PSD3: variants seen among roughly 807,000 people sequenced by gnomAD.
PSD3 encodes the protein pleckstrin and Sec7 domain containing 3.
PSD3 carries 49 observed loss-of-function variants against 105.5 expected under a neutral mutation model. The ratio of observed to expected loss-of-function variants is 0.46; its 90% CI spans 0.37 to 0.59. The LOEUF (loss-of-function observed/expected upper bound fraction) is 0.59, where lower values mean the gene tolerates loss of function less well. Among genes scored for constraint, PSD3 ranks in the 20% least tolerant of loss-of-function variants. PSD3 has a pLI of 0.00. For missense variants in PSD3, 1,561 were observed against 1,263.8 expected (o/e 1.24, Z -3.57); for synonymous variants, 557 against 457.8 (o/e 1.22, Z -2.77).
chr8:18,809,552 C>G (rs909996745), intron 4 of PSD3, among the ~76,000 whole-genome samples: 1 of 152,120 alleles, frequency 6.6e-6, no homozygotes. Context: ...TAAGTACGTC[C>G]CAAATACTGC....
intron 1 of PSD3, among the ~76,000 whole-genome samples, chr8:18,947,565 C>A (rs939483712): frequency 6.6e-6 from 1 of 152,110 alleles, no homozygotes; most frequent in Non-Finnish European, 1.5e-5. Context: ...TATGGGGTGG[C>A]GGGGGGCCCA....
intron 1 of PSD3, among the ~76,000 whole-genome samples, chr8:18,987,832 G>A (rs1825586852): frequency 6.6e-6 from 1 of 151,990 alleles, no homozygotes; most frequent in Non-Finnish European, 1.5e-5. Flanking sequence ...GAAAAAGAAA[G>A]AAAATAATAA....
chr8:18,817,946 T>C (rs983089680), intron 4 of PSD3, among the ~76,000 whole-genome samples: 2 of 152,086 alleles, frequency 1.3e-5, no homozygotes, highest in African/African-American at 2.4e-5. Flanking sequence ...TGCATTACGT[T>C]TTTTGTTTTT....
At chr8:18,641,924 G>T (rs1807675299) in intron 10 of PSD3, among the ~76,000 whole-genome samples, 2 of 152,124 alleles carry the variant, frequency 1.3e-5, no homozygotes, top group African/African-American at 4.8e-5. Flanking sequence ...AAGAAAGCAT[G>T]TAGTTAAATT....
At chr8:18,973,402 T>G (rs549166187) in intron 1 of PSD3, among the ~76,000 whole-genome samples, 1 of 152,198 alleles carries the variant, frequency 6.6e-6, no homozygotes, top group East Asian at 1.9e-4. Flanking sequence ...CTGGGTTGGA[T>G]TCTGGTGGCG....
chr8:18,848,474 T>C (rs1393231951), intron 4 of PSD3, among the ~76,000 whole-genome samples: 2 of 152,168 alleles, frequency 1.3e-5, no homozygotes, highest in Non-Finnish European at 2.9e-5. Flanking sequence ...GAGATACTGC[T>C]GACTCAGGAA....
intron 2 of PSD3, among the ~76,000 whole-genome samples, chr8:18,931,157 A>T (rs1821725682): frequency 6.6e-6 from 1 of 151,466 alleles, no homozygotes; most frequent in South Asian, 2.1e-4. Context: ...CCTTCTTGTC[A>T]TTGAGATGTA....
At chr8:18,772,572 A>G (rs1178423893) in intron 8 of PSD3, among the ~76,000 whole-genome samples, 1 of 152,098 alleles carries the variant, frequency 6.6e-6, no homozygotes, top group East Asian at 1.9e-4. Flanking sequence ...GCAGTGGCAC[A>G]ATCTCTGGTC....
intron 12 of PSD3, among the ~76,000 whole-genome samples, chr8:18,595,419 G>A (rs1321177967): frequency 6.9e-6 from 1 of 144,292 alleles, no homozygotes; most frequent in Non-Finnish European, 1.5e-5. Flanking sequence ...AATCACAGCT[G>A]GGAGTGTGGT....
chr8:18,899,108 A>G (rs11784826), intron 2 of PSD3, among the ~76,000 whole-genome samples: 31,998 of 152,102 alleles, frequency 0.21, 4,171 homozygotes, highest in Non-Finnish European at 0.29. Context: ...TCTCATGTCA[A>G]TTTGTTTTCT....
chr8:18,883,749 G>C (rs1818273436), intron 2 of PSD3, among the ~76,000 whole-genome samples: 1 of 152,182 alleles, frequency 6.6e-6, no homozygotes, highest in African/African-American at 2.4e-5. Flanking sequence ...AATTCAGTCT[G>C]ATAAGATACT....
chr8:18,648,175 T>C (rs111353045), intron 10 of PSD3, among the ~76,000 whole-genome samples: 401 of 152,258 alleles, frequency 2.6e-3, no homozygotes, highest in African/African-American at 9.4e-3. Flanking sequence ...AACTGGGTAA[T>C]GGGCAGAGGT....
chr8:18,876,270 G>A (rs552337026), intron 2 of PSD3, among the ~76,000 whole-genome samples: 8 of 152,206 alleles, frequency 5.3e-5, no homozygotes, highest in Middle Eastern at 3.4e-3. Flanking sequence ...TTCATCATAC[G>A]GGAGCAGTCT....
chr8:18,903,246 AC>A (rs1423261330), intron 2 of PSD3, among the ~76,000 whole-genome samples: 1 of 152,136 alleles, frequency 6.6e-6, no homozygotes. Context: ...GCAAGGTATG[AC>A]TGCGATTTGG....
At chr8:19,077,873 A>G (rs1419155937) in intron 1 of PSD3, among the ~76,000 whole-genome samples, 1 of 152,164 alleles carries the variant, frequency 6.6e-6, no homozygotes, top group African/African-American at 2.4e-5. Context: ...TGGTGTTCTG[A>G]CTTCTGGAAT....
chr8:18,802,295 C>A, intron 6 of PSD3: 1 of 400,768 alleles, frequency 2.5e-6, no homozygotes, highest in Non-Finnish European at 5.1e-6. Flanking sequence ...TCACTAAGAG[C>A]ACTGTTTATT....
chr8:18,831,880 G>C (rs934688376), intron 4 of PSD3, among the ~76,000 whole-genome samples: 1 of 151,866 alleles, frequency 6.6e-6, no homozygotes, highest in African/African-American at 2.4e-5. Flanking sequence ...GTAATTTATA[G>C]TAACAGAATA....
chr8:18,579,649 G>A (rs889715724), intron 12 of PSD3, among the ~76,000 whole-genome samples: 2 of 152,080 alleles, frequency 1.3e-5, no homozygotes, highest in African/African-American at 4.8e-5. Context: ...TAAACCTCTT[G>A]TGAAGTTGAA....
At chr8:18,756,828 C>T (rs1404455154) in intron 9 of PSD3, among the ~76,000 whole-genome samples, 1 of 148,820 alleles carries the variant, frequency 6.7e-6, no homozygotes, top group Non-Finnish European at 1.5e-5. Context: ...GAAACTCAGG[C>T]ACAAAGTGAA....
Sources: allele counts gnomAD v4.1 joint callset (sites outside exome capture counted in the v4.1 genomes callset), GRCh38; gene constraint gnomAD v4.1.1; transcripts MANE v1.5; gene names NCBI Gene and HGNC (gene_info 2026-07-23, HGNC 2026-07-21).